The following DYM variants were observed in gnomAD, a reference collection of about 807,000 sequenced individuals.
DYM encodes the protein dymeclin, also known as dyggve-Melchior-Clausen syndrome protein.
Under a neutral mutation model 93.1 loss-of-function variants are expected in DYM, and 78 were observed. The observed-to-expected ratio is 0.84, with a 90% CI of 0.70 to 1.01. The LOEUF is 1.01. Ranked by LOEUF, DYM falls within the 50% of genes least tolerant of loss-of-function variation. The pLI, the probability that DYM is intolerant of heterozygous loss-of-function variation, is 0.00. For synonymous variants in DYM, 321 were observed against 319.7 expected (o/e 1.00, Z -0.04); for missense variants, 789 against 845.0 (o/e 0.93, Z 0.82).
At chr18:49,198,481 A>T (rs2091692487) in intron 14 of DYM, among the ~76,000 whole-genome samples, 1 of 152,240 alleles carries the variant, frequency 6.6e-6, no homozygotes, top group Non-Finnish European at 1.5e-5. Context: ...CCATCTACCC[A>T]TCTGACAAGG....
chr18:49,193,413 TAGTTTGTAAAACTGTTGTGCAA>T (rs1377504197), intron 14 of DYM, among the ~76,000 whole-genome samples: 2 of 152,192 alleles, frequency 1.3e-5, no homozygotes, highest in Non-Finnish European at 2.9e-5. Context: ...TATAGACAGC[TAGTTTGTAAAACTGTTGTGCAA>T]AACAAGTGCC....
intron 16 of DYM, among the ~76,000 whole-genome samples, chr18:49,114,332 A>T (rs1213742456): frequency 1.3e-5 from 2 of 152,246 alleles, no homozygotes; most frequent in African/African-American, 4.8e-5. Context: ...GGTTTTAAGA[A>T]CTGCATAACA....
At chr18:49,453,054 G>A (rs1356967931) in intron 1 of DYM, among the ~76,000 whole-genome samples, 1 of 133,006 alleles carries the variant, frequency 7.5e-6, no homozygotes, top group East Asian at 2.2e-4. Context: ...AGCACTCTGT[G>A]TCTAGCTCAA....
intron 15 of DYM, among the ~76,000 whole-genome samples, chr18:49,127,793 T>C (rs2082960482): frequency 6.6e-6 from 1 of 152,202 alleles, no homozygotes; most frequent in Admixed American, 6.5e-5. Flanking sequence ...GAGCTTCTGA[T>C]AGAAAGAACA....
At chr18:49,397,473 G>A (rs2070247794) in intron 2 of DYM, among the ~76,000 whole-genome samples, 1 of 152,170 alleles carries the variant, frequency 6.6e-6, no homozygotes, top group African/African-American at 2.4e-5. Context: ...ACAAGAACTG[G>A]CTTTAGAGCC....
chr18:49,194,121 G>C (rs1161962385), intron 14 of DYM, among the ~76,000 whole-genome samples: 1 of 143,528 alleles, frequency 7.0e-6, no homozygotes, highest in Non-Finnish European at 1.6e-5. Context: ...TAGACACTTA[G>C]TAACAAAGAA....
intron 10 of DYM, 23 bp downstream of exon 10, chr18:49,281,974 G>A: frequency 6.2e-7 from 1 of 1,606,072 alleles, no homozygotes; most frequent in African/African-American, 1.3e-5. Context: ...ACAAACGCAT[G>A]GAATGTTTAG....
rs867074135 is a variant in DYM at position 49,211,652 on chromosome 18, T to C, written c.1461-1937A>G. Among the ~76,000 whole-genome samples, 6 of 152,282 alleles carry C rather than the reference T, an allele frequency of 3.9e-5. No individual in the cohort carries two copies. The Middle Eastern group carries it at 0.014, about 345-fold the overall frequency. On this transcript the variant is annotated intron_variant, in intron 13 of 17. Transcript: ENST00000675505. ...CCAATCAGTCAAGCAGTAACTACTATCTACTGCATGTGGGAATAGTGCTGG... is the reference window on the plus strand; with the variant it reads ...CCAATCAGTCAAGCAGTAACTACTACCTACTGCATGTGGGAATAGTGCTGG...
intron 8 of DYM, among the ~76,000 whole-genome samples, chr18:49,292,064 G>T (rs1006105143): frequency 2.0e-5 from 3 of 152,018 alleles, no homozygotes; most frequent in African/African-American, 7.3e-5. Context: ...GGTCCCCAAG[G>T]TCAAATAGAA....
At chr18:49,169,842 G>T (rs191408782) in intron 14 of DYM, among the ~76,000 whole-genome samples, 100 of 152,300 alleles carry the variant, frequency 6.6e-4, no homozygotes, top group African/African-American at 2.3e-3. Flanking sequence ...GAGATGACAA[G>T]TGAACAAGAC....
chr18:49,261,053 T>C (rs1048117779), intron 11 of DYM, among the ~76,000 whole-genome samples: 26 of 152,098 alleles, frequency 1.7e-4, no homozygotes, highest in African/African-American at 6.3e-4. Context: ...AGGATTAAAA[T>C]AGATCATTCT....
chr18:49,046,073 G>A (rs965166926), intron 17 of DYM, among the ~76,000 whole-genome samples: 2 of 149,408 alleles, frequency 1.3e-5, no homozygotes, highest in African/African-American at 5.0e-5. Context: ...AGGTAGAGGA[G>A]CTGCATGCGC....
chr18:49,354,654 C>T (rs2065387358), intron 6 of DYM, among the ~76,000 whole-genome samples: 1 of 152,046 alleles, frequency 6.6e-6, no homozygotes, highest in Admixed American at 6.6e-5. Context: ...AAAAGATACA[C>T]AGATGGCACA....
At chr18:49,159,641 G>A (rs569159067) in intron 15 of DYM, among the ~76,000 whole-genome samples, 1 of 152,234 alleles carries the variant, frequency 6.6e-6, no homozygotes, top group South Asian at 2.1e-4. Flanking sequence ...TAGCACCTTG[G>A]GAAGACAAGG....
chr18:49,089,940 C>T (rs1024922178), intron 17 of DYM, among the ~76,000 whole-genome samples: 5 of 152,126 alleles, frequency 3.3e-5, no homozygotes, highest in Non-Finnish European at 7.4e-5. Flanking sequence ...CTAAGATTTC[C>T]CATTTGCTTC....
At chr18:49,426,485 C>G (rs183741037) in intron 2 of DYM, among the ~76,000 whole-genome samples, 1 of 151,406 alleles carries the variant, frequency 6.6e-6, no homozygotes, top group Non-Finnish European at 1.5e-5. Flanking sequence ...ACATGGCACA[C>G]GTATACATAT....
chr18:49,415,342 A>AAT lies in DYM; in HGVS notation c.140+14912_140+14913insAT, dbSNP rs1555734876. Among the ~76,000 whole-genome samples, 366 of 144,282 alleles carry AAT rather than the reference A, an allele frequency of 2.5e-3. 4 individuals carry two copies. The highest frequency in any genetic ancestry group is 8.4e-3 in the African/African-American group (333 of 39,866). The allele number at this position is 144,282 out of a possible 152,430, so 94.7% of individuals were successfully genotyped here. A position where few individuals can be genotyped will look rare whatever the true frequency, so the allele number is the denominator to read the frequency against. On this transcript the variant is annotated intron_variant, in intron 2 of 17. Coordinates refer to ENST00000675505, the MANE Select transcript of DYM (RefSeq NM_001353214.3). ...CTCTCAAAAAAAAAAAAAAAAAAAA[A>AAT]TTAAAAAAATTTTAAAAATGAGAGA...
intron 2 of DYM, among the ~76,000 whole-genome samples, chr18:49,405,927 T>TAG (rs2071443025): frequency 6.6e-6 from 1 of 152,196 alleles, no homozygotes; most frequent in Non-Finnish European, 1.5e-5. Context: ...GTTCTCCTTA[T>TAG]AGAGATCTTC....
intron 15 of DYM, among the ~76,000 whole-genome samples, chr18:49,133,349 G>A (rs1425104702): frequency 6.6e-6 from 1 of 152,126 alleles, no homozygotes; most frequent in Non-Finnish European, 1.5e-5. Flanking sequence ...CATCATCCCT[G>A]AATTTGTTTT....
Sources: allele counts gnomAD v4.1 joint callset (sites outside exome capture counted in the v4.1 genomes callset), GRCh38; gene constraint gnomAD v4.1.1; transcripts MANE v1.5; gene names NCBI Gene and HGNC (gene_info 2026-07-23, HGNC 2026-07-21).